FAM178B: variants seen among roughly 807,000 people sequenced by gnomAD.
FAM178B encodes the protein protein FAM178B.
In FAM178B, 82 loss-of-function variants were observed where a neutral mutation model predicts 91.7. The observed-to-expected ratio is 0.89, with a 90% CI of 0.75 to 1.07. The LOEUF is 1.07. Among genes scored for constraint, FAM178B ranks in the 50% least tolerant of loss-of-function variants. The probability of loss-of-function intolerance (pLI) is 0.00; values close to 1 mark genes in which losing one functional copy is unlikely to be tolerated. For missense variants in FAM178B, 769 were observed against 846.7 expected, an observed-to-expected ratio of 0.91 and a Z score of 1.14; for synonymous variants, 368 against 359.4, an observed-to-expected ratio of 1.02 and a Z score of -0.27.
intron 14 of FAM178B, among the ~76,000 whole-genome samples, chr2:96,883,455 A>G (rs144208812): frequency 9.2e-5 from 14 of 152,284 alleles, no homozygotes; most frequent in Admixed American, 2.0e-4. Context: ...TTTCTCCCCC[A>G]TCAGGTCATG....
chr2:96,878,352 G>T lies in FAM178B; in HGVS notation c.1854+64C>A, dbSNP rs6750988. 1,084 of 1,492,860 alleles carry T rather than the reference G, an allele frequency of 7.3e-4. 24 individuals are homozygous for T. In the East Asian group the frequency reaches 0.025, roughly 34 times the overall value. The allele number at this position is 1,492,860 out of a possible 1,614,324, so 92.5% of individuals were successfully genotyped here. On this transcript the variant is annotated intron_variant, in intron 15 of 16. Coordinates refer to ENST00000490605, the MANE Select transcript of FAM178B (RefSeq NM_001122646.3). The stretch of plus-strand genomic sequence containing the variant: ...CTGGGCGCCATCCCAGCCAACCCCC[G>T]CCGCTTGGGGGAGAAGACACAGCTG...
At chr2:96,947,762 T>C in intron 8 of FAM178B, 56 bp downstream of exon 8, 2 of 1,012,608 alleles carry the variant, frequency 2.0e-6, no homozygotes, top group Non-Finnish European at 3.0e-6. Context: ...GAGAGTCACG[T>C]ATCACAGGCT....
At chr2:96,885,810 A>G (rs1221542489) in intron 14 of FAM178B, among the ~76,000 whole-genome samples, 1 of 151,504 alleles carries the variant, frequency 6.6e-6, no homozygotes, top group Non-Finnish European at 1.5e-5. Context: ...CAGAAAACCT[A>G]GCTCTGCAAG....
chr2:96,929,583 A>G (rs1246699506), intron 8 of FAM178B, among the ~76,000 whole-genome samples: 1 of 152,240 alleles, frequency 6.6e-6, no homozygotes, highest in Non-Finnish European at 1.5e-5. Context: ...CTCCCTGACC[A>G]TCTGGCCATC....
chr2:96,892,083 C>G (rs114478913), intron 14 of FAM178B, among the ~76,000 whole-genome samples: 2,579 of 152,280 alleles, frequency 0.017, 79 homozygotes, highest in African/African-American at 0.06. Flanking sequence ...GGTGAGTGGC[C>G]CATCTAACCT....
At chr2:96,917,169 A>G (rs1391995420) in intron 12 of FAM178B, among the ~76,000 whole-genome samples, 1 of 152,154 alleles carries the variant, frequency 6.6e-6, no homozygotes, top group Non-Finnish European at 1.5e-5. Context: ...GAAGAAGCGC[A>G]TTTTCAACAT....
chr2:96,945,732 G>A (rs2081816647), intron 8 of FAM178B, among the ~76,000 whole-genome samples: 1 of 152,160 alleles, frequency 6.6e-6, no homozygotes, highest in African/African-American at 2.4e-5. Flanking sequence ...CCTTAGAAAT[G>A]CTTCCTGAAA....
intron 8 of FAM178B, among the ~76,000 whole-genome samples, chr2:96,937,886 G>C (rs1253933768): frequency 6.6e-6 from 1 of 151,988 alleles, no homozygotes; most frequent in African/African-American, 2.4e-5. Flanking sequence ...AAATTAGCCG[G>C]GCGTGGTGGC....
intron 10 of FAM178B, among the ~76,000 whole-genome samples, chr2:96,923,071 C>T (rs1327439572): frequency 6.6e-6 from 1 of 152,182 alleles, no homozygotes; most frequent in African/African-American, 2.4e-5. Flanking sequence ...CAGGGTCAGG[C>T]AATTCTCCTG....
At chr2:96,877,687 G>C (rs900769316) in intron 16 of FAM178B, 1 of 591,604 alleles carries the variant, frequency 1.7e-6, no homozygotes, top group Admixed American at 3.0e-5. Context: ...GAGCTACCAC[G>C]CCCAGCCTTT....
chr2:96,940,144 G>T (rs1264558572), intron 8 of FAM178B, among the ~76,000 whole-genome samples: 1 of 152,162 alleles, frequency 6.6e-6, no homozygotes, highest in Non-Finnish European at 1.5e-5. Flanking sequence ...AGTGCAGCTG[G>T]CGTGGCAGAC....
chr2:96,902,498 G>A, intron 13 of FAM178B, 122 bp downstream of exon 13: 1 of 687,068 alleles, frequency 1.5e-6, no homozygotes, highest in Middle Eastern at 2.5e-4. Context: ...CTTGATGAAA[G>A]AACATGAGTA....
At chr2:96,893,803 T>G in intron 14 of FAM178B, 123 bp downstream of exon 14, 1 of 1,242,002 alleles carries the variant, frequency 8.1e-7, no homozygotes, top group Non-Finnish European at 1.1e-6. Flanking sequence ...GTCTCTGCCC[T>G]GGCATGGCCC....
chr2:96,877,805 G>T, intron 16 of FAM178B, 85 bp downstream of exon 16: 1 of 1,360,536 alleles, frequency 7.4e-7, no homozygotes, highest in Non-Finnish European at 1.0e-6. Context: ...CAGCTGCAGC[G>T]GGGGTGGATG....
chr2:96,953,329 C>T (rs2081955224), intron 6 of FAM178B, among the ~76,000 whole-genome samples: 1 of 152,206 alleles, frequency 6.6e-6, no homozygotes, highest in East Asian at 1.9e-4. Context: ...TCTGGAGGAC[C>T]TTGCAAGTTG....
At chr2:96,947,351 T>C (rs1416527155) in intron 8 of FAM178B, among the ~76,000 whole-genome samples, 1 of 152,196 alleles carries the variant, frequency 6.6e-6, no homozygotes, top group Non-Finnish European at 1.5e-5. Flanking sequence ...GTGGATGTCC[T>C]ATCAGCCAAA....
Position 96,897,098 on chromosome 2 carries a change from C to G in FAM178B, c.1651-3047G>C, listed in dbSNP as rs539072580. Among the ~76,000 whole-genome samples the G allele has an allele frequency of 5.7e-4, 87 of 152,308 alleles. 1 individual carries two copies. In the South Asian group the frequency reaches 0.016, roughly 28 times the overall value. On this transcript the variant is annotated intron_variant, in intron 13 of 16. Coordinates refer to ENST00000490605, the MANE Select transcript of FAM178B (RefSeq NM_001122646.3). ...GCCAGGCTGGTCTCGAACTCCTGAC[C>G]TCAAGTGATCCACCCACCTTGGCCT... is the stretch of plus-strand genomic sequence containing the variant.
At chr2:96,915,886 C>A (rs2081233700) in intron 12 of FAM178B, among the ~76,000 whole-genome samples, 1 of 152,090 alleles carries the variant, frequency 6.6e-6, no homozygotes, top group Non-Finnish European at 1.5e-5. Context: ...AACCTCACAC[C>A]CAAAGATGGC....
intron 6 of FAM178B, among the ~76,000 whole-genome samples, chr2:96,954,686 C>T (rs978396655): frequency 6.6e-6 from 1 of 152,256 alleles, no homozygotes; most frequent in African/African-American, 2.4e-5. Context: ...AATAAAATGC[C>T]TAAATACAAT....
Sources: allele counts gnomAD v4.1 joint callset (sites outside exome capture counted in the v4.1 genomes callset), GRCh38; gene constraint gnomAD v4.1.1; transcripts MANE v1.5; gene names NCBI Gene and HGNC (gene_info 2026-07-23, HGNC 2026-07-21).